CD58: variants seen among roughly 807,000 people sequenced by gnomAD.
CD58 encodes the protein lymphocyte function-associated antigen 3.
In CD58, 14 loss-of-function variants were observed where a neutral mutation model predicts 27.6. The observed-to-expected ratio is 0.51, with a 90% CI of 0.34 to 0.79. The LOEUF is 0.79. Among genes scored for constraint, CD58 ranks in the 30% least tolerant of loss-of-function variants. CD58 has a pLI of 0.02. For missense variants in CD58, 268 were observed against 301.7 expected (o/e 0.89, Z 0.83); for synonymous variants, 117 against 103.8 (o/e 1.13, Z -0.77).
chr1:116,558,269 A>G (rs1262499566), intron 1 of CD58, among the ~76,000 whole-genome samples: 1 of 152,186 alleles, frequency 6.6e-6, no homozygotes, highest in Non-Finnish European at 1.5e-5. Context: ...TGATTCATTT[A>G]AAGCCTCGTG....
chr1:116,569,756 C>T (rs76119884), intron 1 of CD58, among the ~76,000 whole-genome samples: 1 of 152,044 alleles, frequency 6.6e-6, no homozygotes, highest in Non-Finnish European at 1.5e-5. Flanking sequence ...TATGCGCCAC[C>T]ACGCTCAGCT....
At chr1:116,551,378 T>C (rs1658384394) in intron 1 of CD58, among the ~76,000 whole-genome samples, 1 of 152,256 alleles carries the variant, frequency 6.6e-6, no homozygotes, top group Admixed American at 6.5e-5. Flanking sequence ...CTTCACAGTT[T>C]TATGTTATGG....
intron 3 of CD58, among the ~76,000 whole-genome samples, chr1:116,530,433 C>T (rs1408015656): frequency 1.3e-5 from 2 of 152,246 alleles, no homozygotes; most frequent in Non-Finnish European, 2.9e-5. Flanking sequence ...TCTTGATCTC[C>T]TGACCTCGTG....
chr1:116,533,624 G>T, intron 3 of CD58: 1 of 702,804 alleles, frequency 1.4e-6, no homozygotes. Context: ...ATTCCTTTGG[G>T]ATTTGGCTCT....
In CD58 at chr1:116,534,132, G is replaced by C. The variant is rs1185077488; in HGVS notation, c.628+1833C>G. 6 of 705,850 alleles carry C rather than the reference G, an allele frequency of 8.5e-6. No homozygotes were observed. In the East Asian group the frequency reaches 1.7e-4, roughly 20 times the overall value. The allele number at this position is 705,850 out of a possible 1,614,324, so 43.7% of individuals were successfully genotyped here. ...CCCCTTGTCTGGTAAACCAAGTCCC[G>C]TGAGTAACTAGGCTAAGGCACTCAG... On this transcript the variant is annotated intron_variant, in intron 3 of 5. Coordinates refer to ENST00000369489, the MANE Select transcript of CD58 (RefSeq NM_001779.3). This position sits in a 1 kb window ranked among gnomAD's most constrained non-coding sequence, Gnocchi z 5.3.
Position 116,546,999 on chromosome 1 carries a change from T to A in CD58, c.71-2395A>T, listed in dbSNP as rs932541003. On this transcript the variant is annotated intron_variant, in intron 1 of 5. Coordinates refer to ENST00000369489, the MANE Select transcript of CD58 (RefSeq NM_001779.3). This position sits in a 1 kb window ranked among gnomAD's most constrained non-coding sequence, Gnocchi z 4.1. The stretch of plus-strand genomic sequence containing the variant: ...CTTCCTTATGCTTTTTTTTCTTTTT[T>A]AAATTTTTTTATTACTATTATCTCA... Among the ~76,000 whole-genome samples the A allele has an allele frequency of 5.9e-5, 9 of 152,268 alleles. No homozygotes were observed. Among genetic ancestry groups the A allele is most frequent in the South Asian group, 4.1e-4 (2 of 4,824 alleles).
chr1:116,518,517 C>T (rs942418531), intron 5 of CD58, among the ~76,000 whole-genome samples: 1 of 152,062 alleles, frequency 6.6e-6, no homozygotes, highest in Non-Finnish European at 1.5e-5. Context: ...AACCTGCCAG[C>T]CCAGCCCCAT....
chr1:116,558,153 CAAA>C (rs34264439), intron 1 of CD58, among the ~76,000 whole-genome samples: 10 of 95,140 alleles, frequency 1.1e-4, no homozygotes, highest in Admixed American at 1.9e-4. Flanking sequence ...TTCATTTGAC[CAAA>C]AAAAAAAAAA....
chr1:116,525,555 G>C (rs868118585), intron 3 of CD58, among the ~76,000 whole-genome samples: 8 of 152,202 alleles, frequency 5.3e-5, no homozygotes, highest in African/African-American at 1.9e-4. Context: ...ATAGCAAGAA[G>C]CATGACAGTT....
At chr1:116,539,758 C>T (rs1657935734) in intron 2 of CD58, among the ~76,000 whole-genome samples, 1 of 152,150 alleles carries the variant, frequency 6.6e-6, no homozygotes. Flanking sequence ...CAGATCTTTT[C>T]CTTCTATAAA....
rs771290089 is a variant in CD58 at position 116,536,075 on chromosome 1, A to G, written c.518T>C (p.Ile173Thr). 6.2e-7 allele frequency: 1 copy of G among 1,613,754 alleles called. No individual in the cohort carries two copies. Among genetic ancestry groups the G allele is most frequent in the Non-Finnish European group, 8.5e-7 (1 of 1,179,762 alleles). The change falls in exon 3 of 6, where the codon ATA becomes ACA. Residue 173 changes from isoleucine to threonine, a missense_variant. Coordinates refer to ENST00000369489, the MANE Select transcript of CD58 (RefSeq NM_001779.3). This position sits in a 1 kb window ranked among gnomAD's most constrained non-coding sequence, Gnocchi z 5.4. ...AAGATCATTTTCCATCTTAAAATAT[A>G]TACTGGTTGAGTTACGTTTACATTG... ...MEQCKRNSTS[I>T]YFKMENDLPQ... is the part of the protein sequence containing the mutation.
At chr1:116,545,948 G>A (rs1371983759) in intron 1 of CD58, among the ~76,000 whole-genome samples, 3 of 152,156 alleles carry the variant, frequency 2.0e-5, no homozygotes, top group Non-Finnish European at 2.9e-5. Context: ...AGGCCAAGGT[G>A]GTTGGATTGC....
rs1181183494 is a variant in CD58, at chr1:116,528,244, A to G, written c.629-6261T>C. 6.6e-6 allele frequency among the ~76,000 whole-genome samples: 1 copy of G among 152,158 alleles called. No homozygotes were observed. Among genetic ancestry groups the G allele is most frequent in the Non-Finnish European group, 1.5e-5 (1 of 68,018 alleles). On this transcript the variant is annotated intron_variant, in intron 3 of 5. Transcript: ENST00000369489. The surrounding 1 kb of genome is among the most constrained non-coding windows in gnomAD (Gnocchi z 4.4). ...AAATATTCTTAACATTCTTTATCTC[A>G]GTCTACATAATATTATTTCCTATGT...
rs775215342 is a variant in CD58, at chr1:116,552,299, C to T, written c.71-7695G>A. Among the ~76,000 whole-genome samples the T allele has an allele frequency of 2.0e-5, 3 of 152,152 alleles. No individual in the cohort carries two copies. Among genetic ancestry groups the T allele is most frequent in the Admixed American group, 6.5e-5 (1 of 15,272 alleles). Reference sequence around the variant, plus strand: ...TATCAATTAAGTTCACCGTCTTATACGCATGGTTCTTGGCATCCCAAAACA... The same window carrying T: ...TATCAATTAAGTTCACCGTCTTATATGCATGGTTCTTGGCATCCCAAAACA... On this transcript the variant is annotated intron_variant, in intron 1 of 5. Coordinates refer to ENST00000369489, the MANE Select transcript of CD58 (RefSeq NM_001779.3). The surrounding 1 kb of genome is among the most constrained non-coding windows in gnomAD (Gnocchi z 4.5).
intron 2 of CD58, among the ~76,000 whole-genome samples, chr1:116,540,295 G>T (rs1052149832): frequency 2.1e-4 from 32 of 151,190 alleles, no homozygotes; most frequent in African/African-American, 7.6e-4. Context: ...AAGATTACCA[G>T]GTTACTAAAA....
chr1:116,553,155 AGATT>A, intron 1 of CD58, among the ~76,000 whole-genome samples: 1 of 150,758 alleles, frequency 6.6e-6, no homozygotes, highest in Non-Finnish European at 1.5e-5. Flanking sequence ...TTTTTGTATT[AGATT>A]GTTTGTTTTT....
rs1160238883 is a variant in CD58, at chr1:116,546,679, T to G, written c.71-2075A>C. ...GTCTTTTGTCTTTCCCAGGGAGAGCTGATGTATCCTGGGCTTGAGAACAGT... is the reference window on the plus strand; with the variant it reads ...GTCTTTTGTCTTTCCCAGGGAGAGCGGATGTATCCTGGGCTTGAGAACAGT... On this transcript the variant is annotated intron_variant, in intron 1 of 5. Coordinates refer to ENST00000369489, the MANE Select transcript of CD58 (RefSeq NM_001779.3). This position sits in a 1 kb window ranked among gnomAD's most constrained non-coding sequence, Gnocchi z 4.1. Among the ~76,000 whole-genome samples, 2 of 152,170 alleles carry G rather than the reference T, an allele frequency of 1.3e-5. No individual in the cohort carries two copies. The highest frequency in any genetic ancestry group is 2.9e-5 in the Non-Finnish European group (2 of 68,036).
At chr1:116,529,962 T>C (rs1657544461) in intron 3 of CD58, among the ~76,000 whole-genome samples, 1 of 152,118 alleles carries the variant, frequency 6.6e-6, no homozygotes, top group African/African-American at 2.4e-5. Flanking sequence ...GATAATGAGG[T>C]AAAAAATTAA....
rs1211178309 is a variant in CD58, at chr1:116,522,883, T to G, written c.629-900A>C. 1.3e-5 allele frequency among the ~76,000 whole-genome samples: 2 copies of G among 152,234 alleles called. No individual in the cohort carries two copies. The highest frequency in any genetic ancestry group is 2.9e-5 in the Non-Finnish European group (2 of 68,030). On this transcript the variant is annotated intron_variant, in intron 3 of 5. Transcript: ENST00000369489. The surrounding 1 kb of genome is among the most constrained non-coding windows in gnomAD (Gnocchi z 4.6). ...CATCTAGACATTGCACTAAGTCATGTGCCTATAGTCTCACTAAGTCATTAC... is the reference window on the plus strand; with the variant it reads ...CATCTAGACATTGCACTAAGTCATGGGCCTATAGTCTCACTAAGTCATTAC...
Sources: allele counts gnomAD v4.1 joint callset (sites outside exome capture counted in the v4.1 genomes callset), GRCh38; gene constraint gnomAD v4.1.1; non-coding constraint Gnocchi (gnomAD v3.1); transcripts MANE v1.5; gene names NCBI Gene and HGNC (gene_info 2026-07-23, HGNC 2026-07-21).